MDFI: variants seen among roughly 807,000 people sequenced by gnomAD.
MDFI encodes the protein inhibitor of MyoD family a.
A neutral mutation model predicts 22.3 loss-of-function variants in MDFI; 16 were observed. The ratio of observed to expected loss-of-function variants is 0.72; its 90% CI spans 0.49 to 1.09. The LOEUF (loss-of-function observed/expected upper bound fraction) is 1.09. MDFI is among the 50% of genes least tolerant of loss of function. The probability of loss-of-function intolerance (pLI) is 0.00; values close to 1 mark genes in which losing one functional copy is unlikely to be tolerated. For missense variants in MDFI, 314 were observed against 326.1 expected, an observed-to-expected ratio of 0.96 and a Z score of 0.29; for synonymous variants, 145 against 142.7, an observed-to-expected ratio of 1.02 and a Z score of -0.12.
At position 41,638,726 on chromosome 6, in the gene MDFI, C is replaced by G. The variant is rs758315071; in HGVS notation, c.-11-13C>G. On this transcript the variant is annotated splice_polypyrimidine_tract_variant and intron_variant, in intron 1 of 4. Transcript: ENST00000230321. This position sits in a 1 kb window ranked among gnomAD's most constrained non-coding sequence, Gnocchi z 7.6. ...CGCCTCCGGCGCCGCCCGCTGAGCC[C>G]TGTTTTCCGCAGGTCCGGGGCCGAT... 1.9e-6 allele frequency: 3 copies of G among 1,553,392 alleles called. No individual in the cohort carries two copies. Among genetic ancestry groups the G allele is most frequent in the Non-Finnish European group, 2.6e-6 (3 of 1,154,220 alleles).
Position 41,653,364 on chromosome 6 carries a change from T to C in MDFI, c.530T>C (p.Leu177Pro). 2.5e-6 allele frequency: 4 copies of C among 1,612,708 alleles called. No homozygotes were observed. The highest frequency in any genetic ancestry group is 2.5e-6 in the Non-Finnish European group (3 of 1,180,012). ...CTGTCCTGCCTGTTCTGCGAGTTCCTGACGCTGTGCAACATCGTCCTGGAC... is the reference window on the plus strand; with the variant it reads ...CTGTCCTGCCTGTTCTGCGAGTTCCCGACGCTGTGCAACATCGTCCTGGAC... ...CILSCLFCEFLTLCNIVLDCA... is the reference protein window; with the variant it reads ...CILSCLFCEFPTLCNIVLDCA... The change falls in exon 5 of 5, where the codon CTG becomes CCG. Residue 177 changes from leucine to proline, a missense_variant. Leu to Pro is a moderately conservative substitution (Grantham distance 98). Coordinates refer to ENST00000230321, the MANE Select transcript of MDFI (RefSeq NM_005586.4). The surrounding 1 kb of genome is among the most constrained non-coding windows in gnomAD (Gnocchi z 4.2).
chr6:41,650,652 C>T (rs1768234863), intron 4 of MDFI, among the ~76,000 whole-genome samples: 1 of 149,218 alleles, frequency 6.7e-6, no homozygotes, highest in African/African-American at 2.5e-5. Flanking sequence ...TGGCTCACTG[C>T]AACCTCCTTC....
chr6:41,649,827 C>T lies in MDFI; in HGVS notation c.468C>T (p.Pro156=), dbSNP rs753133264. ...GCAAATCCACCACCTCCCAGATCCC[C>T]CTCCAGGCACAGGAAGGTAAGCACC... The part of the protein sequence containing the change: ...SSSKSTTSQI[P]LQAQEDCCVH... Residue 156 remains proline, a synonymous_variant, in exon 4 of 5, where the codon CCC becomes CCT. Transcript: ENST00000230321. 4 of 1,613,722 alleles carry T rather than the reference C, an allele frequency of 2.5e-6. No individual in the cohort carries two copies. Among genetic ancestry groups the T allele is most frequent in the South Asian group, 1.1e-5 (1 of 91,016 alleles).
intron 2 of MDFI, among the ~76,000 whole-genome samples, chr6:41,641,627 A>G (rs1767855287): frequency 6.6e-6 from 1 of 152,190 alleles, no homozygotes; most frequent in Non-Finnish European, 1.5e-5. Context: ...CTCTCTGACC[A>G]TATGAGGTTC....
At chr6:41,639,342 C>T (rs1187458177) in intron 2 of MDFI, 1 of 985,408 alleles carries the variant, frequency 1.0e-6, no homozygotes, top group Non-Finnish European at 1.2e-6. Flanking sequence ...CCCTCGCCTT[C>T]CTTCCCTCTC....
At chr6:41,650,755 G>C (rs1204111099) in intron 4 of MDFI, among the ~76,000 whole-genome samples, 16 of 151,658 alleles carry the variant, frequency 1.1e-4, no homozygotes, top group Admixed American at 1.0e-3. Flanking sequence ...TGTATTTTTA[G>C]TAGAGACAGG....
rs1767723143 is a variant in MDFI at position 41,638,680 on chromosome 6, G to C, written c.-12+28G>C. On this transcript the variant is annotated intron_variant, in intron 1 of 4. Transcript: ENST00000230321. The surrounding 1 kb of genome is among the most constrained non-coding windows in gnomAD (Gnocchi z 7.6). ...GAGTGGACGTGGGAGGCGCGCATCT[G>C]CGGGGGAATCGCCCCTTGCCCGCCT... 4 of 1,490,168 alleles carry C rather than the reference G, an allele frequency of 2.7e-6. No homozygotes were observed. Among genetic ancestry groups the C allele is most frequent in the African/African-American group, 2.8e-5 (2 of 71,740 alleles). 92.3% of individuals were successfully genotyped at this position (1,490,168 alleles called of 1,614,324 possible).
chr6:41,643,548 G>GGGAGGGAAGGAAGGAAGGAA (rs1767929628), intron 2 of MDFI, among the ~76,000 whole-genome samples: 1 of 75,346 alleles, frequency 1.3e-5, no homozygotes, highest in Non-Finnish European at 2.7e-5. Context: ...GAGGGAAGGA[G>GGGAGGGAAGGAAGGAAGGAA]GGAAGGAAGG....
intron 3 of MDFI, among the ~76,000 whole-genome samples, chr6:41,648,308 T>G (rs997296293): frequency 6.6e-6 from 1 of 152,170 alleles, no homozygotes. Flanking sequence ...TTGGGCAACT[T>G]ACTGTACCTC....
Position 41,638,796 on chromosome 6 carries a change from A to G in MDFI, c.47A>G (p.Tyr16Cys), listed in dbSNP as rs765104021. 108 of 1,568,736 alleles carry G rather than the reference A, an allele frequency of 6.9e-5. No individual in the cohort carries two copies. The highest frequency in any genetic ancestry group is 2.3e-5 in the South Asian group (2 of 86,040). Residue 16 changes from tyrosine to cysteine, a missense_variant, in exon 2 of 5, where the codon TAT (tyrosine) becomes TGT (cysteine). Transcript: ENST00000230321. The surrounding 1 kb of genome is among the most constrained non-coding windows in gnomAD (Gnocchi z 7.6). ...CGCCCCTCTGGCTGCGACGCGCCCTATGGAGCCCCCAGCGCAGCCCCGGGC... is the reference window on the plus strand; with the variant it reads ...CGCCCCTCTGGCTGCGACGCGCCCTGTGGAGCCCCCAGCGCAGCCCCGGGC... Reference protein sequence around the residue: ...GQRPSGCDAPYGAPSAAPGPA... With the variant: ...GQRPSGCDAPCGAPSAAPGPA...
intron 2 of MDFI, among the ~76,000 whole-genome samples, chr6:41,640,205 C>T (rs1205498364): frequency 6.6e-6 from 1 of 152,172 alleles, no homozygotes; most frequent in Non-Finnish European, 1.5e-5. Context: ...CCCGCTGGGC[C>T]TCCTTCCTGC....
chr6:41,646,292 C>T lies in MDFI; in HGVS notation c.243C>T (p.Pro81=). ...TGGACAGCACTGACCTCGACGTCCC[C>T]ACAGAAGCTGTGACATGTGAGTCCT... The part of the protein sequence containing the change: ...QGLDSTDLDV[P]TEAVTCQPQG... The change falls in exon 3 of 5, where the codon CCC becomes CCT. Residue 81 remains proline (P), a synonymous_variant. Transcript: ENST00000230321. The T allele has an allele frequency of 2.1e-6, 3 of 1,447,080 alleles. No homozygotes were observed. Among genetic ancestry groups the T allele is most frequent in the Non-Finnish European group, 2.7e-6 (3 of 1,096,808 alleles). 89.6% of individuals were successfully genotyped at this position (1,447,080 alleles called of 1,614,324 possible). A position where few individuals can be genotyped will look rare whatever the true frequency, so the allele number is the denominator to read the frequency against.
chr6:41,645,241 G>T (rs898168916), intron 2 of MDFI, among the ~76,000 whole-genome samples: 1 of 151,592 alleles, frequency 6.6e-6, no homozygotes. Context: ...GTGGACGCTC[G>T]GACCCCTTTC....
At chr6:41,643,938 A>G (rs1213904225) in intron 2 of MDFI, among the ~76,000 whole-genome samples, 1 of 152,100 alleles carries the variant, frequency 6.6e-6, no homozygotes, top group Non-Finnish European at 1.5e-5. Flanking sequence ...CCTGTGGGAG[A>G]GTCAGGTCCC....
chr6:41,649,550 T>G (rs917417460), intron 3 of MDFI, 69 bp from the exon 4 acceptor site: 2 of 1,384,076 alleles, frequency 1.4e-6, no homozygotes, highest in African/African-American at 2.9e-5. Context: ...CAGGCAGGAT[T>G]CGAGCATAGC....
rs1253376620 is a variant in MDFI at position 41,651,474 on chromosome 6, T to C, written c.484+1631T>C. On this transcript the variant is annotated intron_variant, in intron 4 of 4. Transcript: ENST00000230321. The stretch of plus-strand genomic sequence containing the variant: ...GCACAGAGCTGAGAAATGGCCAGTG[T>C]GGCTGGAGGGTGAACTGCCAAAGGT... Among the ~76,000 whole-genome samples the C allele has an allele frequency of 3.1e-5, 4 of 129,052 alleles. 1 individual carries two copies. Among genetic ancestry groups the C allele is most frequent in the Non-Finnish European group, 6.8e-5 (4 of 59,146 alleles). 84.7% of individuals were successfully genotyped at this position (129,052 alleles called of 152,430 possible). A position where few individuals can be genotyped will look rare whatever the true frequency, so the allele number is the denominator to read the frequency against.
chr6:41,651,117 G>A (rs1351967027), intron 4 of MDFI, among the ~76,000 whole-genome samples: 1 of 150,260 alleles, frequency 6.7e-6, no homozygotes, highest in African/African-American at 2.5e-5. Flanking sequence ...GGAGGTTGCA[G>A]TGAGCCAAGA....
chr6:41,639,865 C>T lies in MDFI; in HGVS notation c.76+1040C>T, dbSNP rs1767783401. 9.1e-6 allele frequency: 9 copies of T among 985,214 alleles called. No homozygotes were observed. The South Asian group carries it at 1.9e-4, about 21-fold the overall frequency. The allele number at this position is 985,214 out of a possible 1,614,324, so 61.0% of individuals were successfully genotyped here. A position where few individuals can be genotyped will look rare whatever the true frequency, so the allele number is the denominator to read the frequency against. On this transcript the variant is annotated intron_variant, in intron 2 of 4. Transcript: ENST00000230321. ...TGGCCTGAGCCTCCACATGCGCCCTCGAAGCCGGCCTGCCTGCCTGTTCTA... is the reference window on the plus strand; with the variant it reads ...TGGCCTGAGCCTCCACATGCGCCCTTGAAGCCGGCCTGCCTGCCTGTTCTA...
intron 2 of MDFI, among the ~76,000 whole-genome samples, chr6:41,643,452 C>T (rs1445758136): frequency 1.3e-5 from 2 of 151,798 alleles, no homozygotes; most frequent in African/African-American, 4.8e-5. Flanking sequence ...CTTTCTCACT[C>T]GGGTATACCC....
Sources: gnomAD v4.1 joint callset for allele counts (sites outside exome capture counted in the v4.1 genomes callset) on GRCh38, gnomAD v4.1.1 for gene constraint, Gnocchi (gnomAD v3.1) non-coding constraint, MANE v1.5 for transcripts, NCBI Gene and HGNC (gene_info 2026-07-23, HGNC 2026-07-21) for gene names.